Variants in PTPRD observed in about 807,000 individuals in gnomAD.
PTPRD encodes the protein protein tyrosine phosphatase receptor type D.
Under a neutral mutation model 214.5 loss-of-function variants are expected in PTPRD, and 34 were observed. The observed-to-expected ratio is 0.16, with a 90% confidence interval of 0.12 to 0.21. The LOEUF is 0.21. PTPRD is among the 10% of genes least tolerant of loss of function. The pLI, the probability that PTPRD is intolerant of heterozygous loss-of-function variation, is 1.00. For missense variants in PTPRD, 2,545 were observed against 2,398.7 expected (o/e 1.06, Z -1.27); for synonymous variants, 1,128 against 845.7 (o/e 1.33, Z -5.79).
chr9:9,312,082 C>G (rs966230915), intron 9 of PTPRD, among the ~76,000 whole-genome samples: 1 of 152,098 alleles, frequency 6.6e-6, no homozygotes, highest in African/African-American at 2.4e-5. Context: ...ATTTTAAAAT[C>G]CCTCACATTT....
intron 12 of PTPRD, among the ~76,000 whole-genome samples, chr9:8,722,499 T>G (rs34417053): frequency 0.1 from 3,442 of 32,976 alleles, 75 homozygotes; most frequent in African/African-American, 0.39. Flanking sequence ...CAATAAAGGG[T>G]TTTTTTTTTT....
At chr9:8,827,142 C>G (rs1371468343) in intron 11 of PTPRD, among the ~76,000 whole-genome samples, 1 of 150,732 alleles carries the variant, frequency 6.6e-6, no homozygotes, top group Admixed American at 6.6e-5. Flanking sequence ...AAAATATTAT[C>G]ATACTAAATT....
intron 2 of PTPRD, among the ~76,000 whole-genome samples, chr9:10,526,128 A>C (rs989008980): frequency 2.6e-5 from 4 of 152,080 alleles, no homozygotes. Context: ...ACACTGTTCT[A>C]AGATATAAAG....
At chr9:10,100,332 T>C (rs1049132948) in intron 3 of PTPRD, among the ~76,000 whole-genome samples, 2 of 151,722 alleles carry the variant, frequency 1.3e-5, no homozygotes, top group African/African-American at 4.8e-5. Context: ...AGAGAAAATT[T>C]AAATATCCAT....
intron 37 of PTPRD, among the ~76,000 whole-genome samples, chr9:8,383,633 T>C (rs2085920191): frequency 6.6e-6 from 1 of 152,212 alleles, no homozygotes; most frequent in African/African-American, 2.4e-5. Context: ...GGATTCTTCA[T>C]TTCTAGCCCT....
At chr9:10,536,209 T>C (rs1198121305) in intron 2 of PTPRD, among the ~76,000 whole-genome samples, 1 of 152,152 alleles carries the variant, frequency 6.6e-6, no homozygotes, top group South Asian at 2.1e-4. Context: ...TACAGGTGAA[T>C]TATTAAAGCA....
intron 14 of PTPRD, among the ~76,000 whole-genome samples, chr9:8,569,481 C>T (rs536658308): frequency 6.6e-6 from 1 of 152,258 alleles, no homozygotes; most frequent in East Asian, 1.9e-4. Context: ...GGAGGAACAT[C>T]TTCCATAAAA....
At chr9:9,203,999 A>T (rs924117462) in intron 9 of PTPRD, among the ~76,000 whole-genome samples, 3 of 152,130 alleles carry the variant, frequency 2.0e-5, no homozygotes, top group Non-Finnish European at 4.4e-5. Context: ...TGATTTGGGG[A>T]TCAGATTAAA....
At chr9:9,965,771 G>A (rs1015639709) in intron 4 of PTPRD, among the ~76,000 whole-genome samples, 1 of 152,124 alleles carries the variant, frequency 6.6e-6, no homozygotes, top group Non-Finnish European at 1.5e-5. Context: ...AAATGAAATA[G>A]TAACAGTACT....
intron 35 of PTPRD, among the ~76,000 whole-genome samples, chr9:8,421,652 G>T (rs765385604): frequency 6.6e-6 from 1 of 151,946 alleles, no homozygotes; most frequent in Non-Finnish European, 1.5e-5. Flanking sequence ...CTGGAGTTTG[G>T]CCCAAATTGA....
intron 9 of PTPRD, among the ~76,000 whole-genome samples, chr9:9,198,811 G>T (rs1208933695): frequency 6.6e-6 from 1 of 152,100 alleles, no homozygotes; most frequent in Non-Finnish European, 1.5e-5. Flanking sequence ...ATAGATGACT[G>T]CATATAGTAT....
chr9:9,230,947 C>T (rs1314369611), intron 9 of PTPRD, among the ~76,000 whole-genome samples: 1 of 151,932 alleles, frequency 6.6e-6, no homozygotes, highest in African/African-American at 2.4e-5. Flanking sequence ...GTGTGCAGTC[C>T]AGAACGTGAA....
chr9:9,389,196 G>C (rs757399461), intron 9 of PTPRD, among the ~76,000 whole-genome samples: 2 of 152,098 alleles, frequency 1.3e-5, no homozygotes, highest in Non-Finnish European at 2.9e-5. Context: ...CTTAATGATT[G>C]CTTTTATTAT....
intron 11 of PTPRD, among the ~76,000 whole-genome samples, chr9:8,984,565 A>G (rs1212986236): frequency 3.3e-5 from 5 of 152,128 alleles, no homozygotes; most frequent in Non-Finnish European, 7.4e-5. Context: ...CTAGAAGCAC[A>G]AGCAAGGAAG....
chr9:9,032,555 T>C (rs2099608982), intron 10 of PTPRD, among the ~76,000 whole-genome samples: 1 of 151,926 alleles, frequency 6.6e-6, no homozygotes, highest in Non-Finnish European at 1.5e-5. Flanking sequence ...CTGCAGGCAA[T>C]GTTCTGTACC....
chr9:9,077,905 A>G (rs530566780), intron 10 of PTPRD, among the ~76,000 whole-genome samples: 10 of 152,212 alleles, frequency 6.6e-5, no homozygotes, highest in Admixed American at 6.6e-4. Context: ...TCTAAAATAA[A>G]TATCTATTTA....
intron 4 of PTPRD, among the ~76,000 whole-genome samples, chr9:9,980,967 C>T (rs1479794261): frequency 1.3e-5 from 2 of 152,106 alleles, no homozygotes; most frequent in African/African-American, 4.8e-5. Context: ...TCTGTATAGT[C>T]ATTCTGCAGA....
chr9:10,302,972 C>G (rs2095913500), intron 3 of PTPRD, among the ~76,000 whole-genome samples: 1 of 152,152 alleles, frequency 6.6e-6, no homozygotes, highest in Non-Finnish European at 1.5e-5. Flanking sequence ...TTCTCAGCAC[C>G]ACATCACACT....
rs191618523 is a variant in PTPRD at position 8,954,292 on chromosome 9, C to G, written c.-104+64405G>C. Among the ~76,000 whole-genome samples, 3 of 151,804 alleles carry G rather than the reference C, an allele frequency of 2.0e-5. No homozygotes were observed. In the East Asian group the frequency reaches 5.8e-4, roughly 29 times the overall value. ...CTCACTTATAGGTGGGAGTTAATCA[C>G]TAAGTACACATGAACATAAAAAAAG... is the stretch of plus-strand genomic sequence containing the variant. On this transcript the variant is annotated intron_variant, in intron 11 of 45. Coordinates refer to ENST00000381196, the MANE Select transcript of PTPRD (RefSeq NM_002839.4).
Sources: gnomAD v4.1 joint callset for allele counts (sites outside exome capture counted in the v4.1 genomes callset) on GRCh38, gnomAD v4.1.1 for gene constraint, MANE v1.5 for transcripts, NCBI Gene and HGNC (gene_info 2026-07-23, HGNC 2026-07-21) for gene names.